The following TIMM21 variants were observed in gnomAD, a reference collection of about 807,000 sequenced individuals.
The protein encoded by TIMM21 is translocase of inner mitochondrial membrane 21.
TIMM21 carries 30 observed loss-of-function variants against 27.7 expected under a neutral mutation model. That is an observed-to-expected ratio of 1.08 (90% confidence interval 0.81 to 1.47). The LOEUF (loss-of-function observed/expected upper bound fraction) is 1.47, where lower values mean the gene tolerates loss of function less well. Among genes scored for constraint, TIMM21 ranks in the 40% most tolerant of loss-of-function variants. TIMM21 has a pLI of 0.00. For synonymous variants in TIMM21, 121 were observed against 114.4 expected (o/e 1.06, Z -0.37); for missense variants, 292 against 302.9 (o/e 0.96, Z 0.27).
chr18:74,156,764 ATAT>A (rs1979961572), intron 3 of TIMM21: 1 of 152,710 alleles, frequency 6.5e-6, no homozygotes, highest in Admixed American at 6.5e-5. Flanking sequence ...CAAAAGTGGG[ATAT>A]TATTGAAGTC....
chr18:74,159,728 A>G lies in TIMM21; in HGVS notation c.*1248A>G, dbSNP rs1052857053. 2.0e-5 allele frequency: 3 copies of G among 152,210 alleles called. No homozygotes were observed. The highest frequency in any genetic ancestry group is 7.2e-5 in the African/African-American group (3 of 41,436). The allele number at this position is 152,210 out of a possible 1,614,324, so 9.4% of individuals were successfully genotyped here. A position where few individuals can be genotyped will look rare whatever the true frequency, so the allele number is the denominator to read the frequency against. Reference sequence around the variant, plus strand: ...CTTTGACTGAATGAGGCCTTAACTTAGGCTTTCTCTCCTAATCGTTTTTTC... The same window carrying G: ...CTTTGACTGAATGAGGCCTTAACTTGGGCTTTCTCTCCTAATCGTTTTTTC... On this transcript the variant is annotated 3_prime_UTR_variant, in exon 6 of 6. Coordinates refer to ENST00000169551, the MANE Select transcript of TIMM21 (RefSeq NM_014177.3).
At chr18:74,156,483 T>A in intron 3 of TIMM21, 1 of 392,718 alleles carries the variant, frequency 2.5e-6, no homozygotes, top group Non-Finnish European at 4.5e-6. Flanking sequence ...GGACAGCCAG[T>A]GGTAACCATG....
At chr18:74,155,082 C>T (rs1979912798) in intron 1 of TIMM21, 63 bp from the exon 2 acceptor site, 1 of 1,511,220 alleles carries the variant, frequency 6.6e-7, no homozygotes. Context: ...AGTGCAAAAG[C>T]AGCAGACAAG....
chr18:74,155,932 C>T (rs1382954841), intron 3 of TIMM21, among the ~76,000 whole-genome samples: 1 of 152,044 alleles, frequency 6.6e-6, no homozygotes, highest in South Asian at 2.1e-4. Context: ...AACCGGAACC[C>T]GAATCCACAC....
At position 74,159,142 on chromosome 18, in the gene TIMM21, G is replaced by T. The variant is rs1464559343; in HGVS notation, c.*662G>T. Reference sequence around the variant, plus strand: ...TGTTAGGATGGCAGTGTGATGAGAGGTACAAGCCTGGACCATAGAAGGCAG... The same window carrying T: ...TGTTAGGATGGCAGTGTGATGAGAGTTACAAGCCTGGACCATAGAAGGCAG... On this transcript the variant is annotated 3_prime_UTR_variant, in exon 6 of 6. Transcript: ENST00000169551. 2 of 152,966 alleles carry T rather than the reference G, an allele frequency of 1.3e-5. No individual in the cohort carries two copies. The highest frequency in any genetic ancestry group is 3.8e-4 in the East Asian group (2 of 5,200). The allele number at this position is 152,966 out of a possible 1,614,324, so 9.5% of individuals were successfully genotyped here.
chr18:74,158,146 G>A, intron 4 of TIMM21, 25 bp from the exon 5 acceptor site: 1 of 1,613,944 alleles, frequency 6.2e-7, no homozygotes, highest in Non-Finnish European at 8.5e-7. Context: ...AAGGAACTTA[G>A]ACTGATCTTT....
In TIMM21 at chr18:74,155,178, T is replaced by C. The variant is rs1281126194; in HGVS notation, c.335T>C (p.Ile112Thr). ...GCCGGAAGAGATTTTACCTATTTAA[T>C]AGTGGTGCTTTTTGGAATCAGCATT... Reference protein sequence around the residue: ...KEAGRDFTYLIVVLFGISITG... With the variant: ...KEAGRDFTYLTVVLFGISITG... Residue 112 changes from isoleucine to threonine, a missense_variant, in exon 2 of 6, where the codon ATA becomes ACA. Transcript: ENST00000169551. 6.2e-7 allele frequency: 1 copy of C among 1,614,232 alleles called. No individual in the cohort carries two copies. Among genetic ancestry groups the C allele is most frequent in the Admixed American group, 1.7e-5 (1 of 60,034 alleles).
rs1979900682 is a variant in TIMM21 at position 74,154,620 on chromosome 18, C to T, written c.302-525C>T. Among the ~76,000 whole-genome samples the T allele has an allele frequency of 2.0e-5, 3 of 152,214 alleles. No homozygotes were observed. In the South Asian group the frequency reaches 6.2e-4, roughly 32 times the overall value. ...TCAGAGTGTCTGTTTAACCCATATG[C>T]ACATATTTTATTAGTGTGGGAAAAC... On this transcript the variant is annotated intron_variant, in intron 1 of 5. Transcript: ENST00000169551.
At chr18:74,151,762 C>A (rs1485569461) in intron 1 of TIMM21, among the ~76,000 whole-genome samples, 2 of 152,148 alleles carry the variant, frequency 1.3e-5, no homozygotes, top group Non-Finnish European at 2.9e-5. Context: ...TAATGTGGAC[C>A]ATCACTGTCT....
intron 3 of TIMM21, chr18:74,156,380 A>G (rs1979951154): frequency 2.6e-6 from 1 of 381,000 alleles, no homozygotes. Context: ...ATGTTCTACC[A>G]GTTTTCTAAT....
At position 74,149,001 on chromosome 18, in the gene TIMM21, A is replaced by G. The variant is rs1979699417; in HGVS notation, c.193A>G (p.Ile65Val). 3 of 1,614,088 alleles carry G rather than the reference A, an allele frequency of 1.9e-6. No homozygotes were observed. Among genetic ancestry groups the G allele is most frequent in the East Asian group, 2.2e-5 (1 of 44,894 alleles). Reference sequence around the variant, plus strand: ...TATTCTTGGAGTCACCCAGAAAACCATCTGGACGCAGGGACCGAGCCCCCG... The same window carrying G: ...TATTCTTGGAGTCACCCAGAAAACCGTCTGGACGCAGGGACCGAGCCCCCG... ...RCILGVTQKT[I>V]WTQGPSPRKA... Residue 65 changes from isoleucine (I) to valine (V), a missense_variant, in exon 1 of 6, where the codon ATC becomes GTC. Physicochemically the swap from Ile to Val is conservative, Grantham distance 29. Transcript: ENST00000169551.
chr18:74,155,201 A>G lies in TIMM21; in HGVS notation c.358A>G (p.Ile120Val), dbSNP rs1191862682. 2 of 1,614,224 alleles carry G rather than the reference A, an allele frequency of 1.2e-6. No individual in the cohort carries two copies. The highest frequency in any genetic ancestry group is 1.7e-6 in the Non-Finnish European group (2 of 1,180,040). ...YLIVVLFGIS[I>V]TGGLFYTIFK... ...AATAGTGGTGCTTTTTGGAATCAGC[A>G]TTACAGGTTGCAAAAAACAGCAAGT... is the stretch of plus-strand genomic sequence containing the variant. Residue 120 changes from isoleucine to valine, a missense_variant, in exon 2 of 6, where the codon ATT becomes GTT. By Grantham distance (29) the Ile-to-Val change is conservative. Coordinates refer to ENST00000169551, the MANE Select transcript of TIMM21 (RefSeq NM_014177.3).
intron 1 of TIMM21, among the ~76,000 whole-genome samples, chr18:74,150,586 G>GACT (rs1436499138): frequency 6.6e-6 from 1 of 152,172 alleles, no homozygotes; most frequent in East Asian, 1.9e-4. Context: ...TGTTACTACA[G>GACT]ACTACTGCTG....
At chr18:74,150,340 C>G (rs1979768265) in intron 1 of TIMM21, among the ~76,000 whole-genome samples, 1 of 152,186 alleles carries the variant, frequency 6.6e-6, no homozygotes, top group Admixed American at 6.5e-5. Flanking sequence ...TTCCTGGCCA[C>G]TTGTAGCTAT....
At chr18:74,156,457 C>T (rs1979953762) in intron 3 of TIMM21, 1 of 394,914 alleles carries the variant, frequency 2.5e-6, no homozygotes, top group Non-Finnish European at 4.5e-6. Flanking sequence ...CCACTGATTT[C>T]TCTTCATTGA....
intron 5 of TIMM21, 45 bp downstream of exon 5, chr18:74,158,321 GTTAT>G (rs751052645): frequency 8.1e-6 from 13 of 1,609,396 alleles, no homozygotes; most frequent in Admixed American, 1.7e-5. Flanking sequence ...TGAGCGCGGT[GTTAT>G]TTAAGTTCTG....
rs376467767 is a variant in TIMM21 at position 74,158,463 on chromosome 18, C to T, written c.730C>T (p.Arg244Ter). 1.2e-5 allele frequency: 18 copies of T among 1,540,396 alleles called. No individual in the cohort carries two copies. Among genetic ancestry groups the T allele is most frequent in the East Asian group, 2.3e-5 (1 of 43,876 alleles). The change falls in exon 6 of 6, where the codon CGA becomes TGA. Residue 244 changes from arginine (R) to a stop codon, truncating the protein, a stop_gained. Transcript: ENST00000169551. LOFTEE classifies it high-confidence loss of function. ...AAGAACTATTATCATTGAAGATAAT[C>T]GATCCCAAGATGATTAAAATAGGGT... ...PRRTIIIEDNRSQDD is the reference protein window; with the variant it reads ...PRRTIIIEDN
intron 3 of TIMM21, chr18:74,156,410 C>T (rs1227311690): frequency 1.0e-5 from 4 of 397,410 alleles, no homozygotes; most frequent in African/African-American, 8.2e-5. Flanking sequence ...GTGGAAACCT[C>T]AGAAGCTAAC....
intron 1 of TIMM21, among the ~76,000 whole-genome samples, chr18:74,154,402 C>T (rs958345034): frequency 1.3e-5 from 2 of 152,094 alleles, no homozygotes; most frequent in African/African-American, 2.4e-5. Flanking sequence ...GCTGGGACTA[C>T]AGGCGCCCGC....
Sources: allele counts gnomAD v4.1 joint callset (sites outside exome capture counted in the v4.1 genomes callset), GRCh38; gene constraint gnomAD v4.1.1; transcripts MANE v1.5; gene names NCBI Gene and HGNC (gene_info 2026-07-23, HGNC 2026-07-21).